PDZD11: variants seen among roughly 807,000 people sequenced by gnomAD.
PDZD11 encodes PDZ domain-containing protein 11.
A neutral mutation model predicts 13.7 loss-of-function variants in PDZD11; 2 were observed. The ratio of observed to expected loss-of-function variants is 0.15; its 90% CI spans 0.06 to 0.46. The LOEUF (loss-of-function observed/expected upper bound fraction) is 0.46. PDZD11 is among the 20% of genes least tolerant of loss of function. The pLI is 0.98. For synonymous variants in PDZD11, 32 were observed against 37.5 expected, an observed-to-expected ratio of 0.85 and a Z score of 0.54; for missense variants, 44 against 111.7, an observed-to-expected ratio of 0.39 and a Z score of 2.73.
intron 2 of PDZD11, among the ~76,000 whole-genome samples, 160 bp from the exon 3 acceptor site, chrX:70,288,673 T>TG (rs2085735472): frequency 9.1e-6 from 1 of 109,331 alleles, no homozygotes; most frequent in African/African-American, 3.3e-5. Flanking sequence ...TGGATAGCAC[T>TG]GGGGCAGCCC....
chrX:70,287,435 T>G lies in PDZD11; in HGVS notation c.328-99A>C. ...TTTGCCACTCCAACCTGTGTGTCAC[T>G]AATAGCTGCTTCCCTCCTGTACTTT... is the stretch of plus-strand genomic sequence containing the variant. On this transcript the variant is annotated intron_variant, in intron 5 of 6. Transcript: ENST00000239666. 4.6e-6 allele frequency: 3 copies of G among 657,044 alleles called. No homozygotes were observed. In the South Asian group the frequency reaches 7.2e-5, roughly 16 times the overall value. 54.1% of individuals were successfully genotyped at this position (657,044 alleles called of 1,213,427 possible).
Position 70,288,486 on chromosome X carries a change from CATT to C in PDZD11, c.112_114del (p.Asn38del). The C allele has an allele frequency of 1.7e-6, 2 of 1,211,374 alleles. No individual in the cohort carries two copies. Among genetic ancestry groups the C allele is most frequent in the Non-Finnish European group, 2.2e-6 (2 of 895,199 alleles). Reference sequence around the variant, plus strand: ...GTTCGGGGCAGAAACTGGGTCAACTCATTGTTGTAGTCCGGGTGGTGTACCCTC... The same window carrying C: ...GTTCGGGGCAGAAACTGGGTCAACTCGTTGTAGTCCGGGTGGTGTACCCTC... On this transcript the variant is annotated inframe_deletion, in exon 3 of 7. Transcript: ENST00000239666.
In PDZD11 at chrX:70,287,092, G is replaced by A. The variant is rs746934112; in HGVS notation, c.413C>T (p.Thr138Ile). 23 of 1,197,743 alleles carry A rather than the reference G, an allele frequency of 1.9e-5. No homozygotes were observed. Among genetic ancestry groups the A allele is most frequent in the Non-Finnish European group, 2.6e-5 (23 of 888,462 alleles). Residue 138 changes from threonine to isoleucine, a missense_variant, in exon 7 of 7, where the codon ACT becomes ATT. Transcript: ENST00000239666. ...GTGGGCTGCAACTTTCTAGTGCACA[G>A]TCCTCTCTTTTTGGCGATGATAATC... Reference protein sequence around the residue: ...PYNYHRQKERTVH With the variant: ...PYNYHRQKERIVH
rs551620729 is a variant in PDZD11, at chrX:70,286,979, A to C, written c.*103T>G. 7.0e-5 allele frequency: 51 copies of C among 724,655 alleles called. No individual in the cohort carries two copies. The South Asian group carries it at 1.2e-3, about 17-fold the overall frequency. The allele number at this position is 724,655 out of a possible 1,213,427, so 59.7% of individuals were successfully genotyped here. A position where few individuals can be genotyped will look rare whatever the true frequency, so the allele number is the denominator to read the frequency against. On this transcript the variant is annotated 3_prime_UTR_variant, in exon 7 of 7. Transcript: ENST00000239666. ...TGGTTAGCTGTCTCCCCATCCTCCC[A>C]ACTCACTATTCCAGGGAGGGGCTGA...
chrX:70,288,029 C>T (rs2085730339), intron 4 of PDZD11, 88 bp downstream of exon 4: 2 of 844,253 alleles, frequency 2.4e-6, no homozygotes, highest in Admixed American at 4.9e-5. Context: ...CAGAGTCATC[C>T]TCTCAGCCCT....
At chrX:70,287,466 G>C (rs2085725852) in intron 5 of PDZD11, 130 bp from the exon 6 acceptor site, 8 of 551,428 alleles carry the variant, frequency 1.5e-5, no homozygotes, top group Non-Finnish European at 2.5e-5. Context: ...ACTTTCCCAG[G>C]AGAGGTGCTT....
chrX:70,287,492 T>TCTG (rs2085726404), intron 5 of PDZD11, among the ~76,000 whole-genome samples, 156 bp from the exon 6 acceptor site: 2 of 110,826 alleles, frequency 1.8e-5, no homozygotes, highest in African/African-American at 6.6e-5. Context: ...CTCTCTCTCT[T>TCTG]TTTGTTTGTT....
At chrX:70,289,458 G>A (rs2085744199) in intron 1 of PDZD11, 104 bp from the exon 2 acceptor site, 3 of 1,136,947 alleles carry the variant, frequency 2.6e-6, no homozygotes, top group Non-Finnish European at 3.5e-6. Flanking sequence ...TCAGTCTACA[G>A]GCCCAGCCCA....
intron 2 of PDZD11, among the ~76,000 whole-genome samples, chrX:70,288,757 T>C (rs1323512479): frequency 9.6e-6 from 1 of 103,730 alleles, no homozygotes; most frequent in Non-Finnish European, 2.0e-5. Context: ...CAGGCTGGAG[T>C]GCAATGGCTC....
chrX:70,287,248 G>A (rs2085724004), intron 6 of PDZD11, 28 bp downstream of exon 6: 1 of 1,194,614 alleles, frequency 8.4e-7, no homozygotes, highest in African/African-American at 1.7e-5. Context: ...GCCCTGTCAG[G>A]AAAGTGAAAA....
chrX:70,288,253 C>T lies in PDZD11; in HGVS notation c.172-80G>A, dbSNP rs190613556. 24 of 931,996 alleles carry T rather than the reference C, an allele frequency of 2.6e-5. No homozygotes were observed. The African/African-American group carries it at 3.7e-4, about 14-fold the overall frequency. 76.8% of individuals were successfully genotyped at this position (931,996 alleles called of 1,213,427 possible). A position where few individuals can be genotyped will look rare whatever the true frequency, so the allele number is the denominator to read the frequency against. On this transcript the variant is annotated intron_variant, in intron 3 of 6. Coordinates refer to ENST00000239666, the MANE Select transcript of PDZD11 (RefSeq NM_016484.5). ...AACTAGTAGCATCATCGTACAATAG[C>T]TCAGCTTGTGTGTCCCTGAGAGGAA...
In PDZD11 at chrX:70,287,347, C is replaced by A. The variant is rs1342494701; in HGVS notation, c.328-11G>T. 8.4e-7 allele frequency: 1 copy of A among 1,197,365 alleles called. No homozygotes were observed. The highest frequency in any genetic ancestry group is 2.2e-5 in the Admixed American group (1 of 45,927). On this transcript the variant is annotated splice_polypyrimidine_tract_variant and intron_variant, in intron 5 of 6. Transcript: ENST00000239666. Reference sequence around the variant, plus strand: ...CAGGATCTCAACAGCCTGGAAGGAACACAGCAGCTTGTACAAATGAAGAGA... The same window carrying A: ...CAGGATCTCAACAGCCTGGAAGGAAAACAGCAGCTTGTACAAATGAAGAGA...
intron 2 of PDZD11, among the ~76,000 whole-genome samples, chrX:70,288,939 G>A (rs769924670): frequency 1.8e-5 from 2 of 111,532 alleles, no homozygotes; most frequent in South Asian, 7.7e-4. Context: ...CCCAACCTCA[G>A]GTGATCCGCC....
chrX:70,287,367 AAG>A, intron 5 of PDZD11, 31 bp from the exon 6 acceptor site: 1 of 1,152,382 alleles, frequency 8.7e-7, no homozygotes, highest in Non-Finnish European at 1.2e-6. Context: ...TGTACAAATG[AAG>A]AGATATGACC....
In PDZD11 at chrX:70,286,721, C is replaced by G; in HGVS notation, c.*361G>C. 5.6e-6 allele frequency: 1 copy of G among 177,291 alleles called. No individual in the cohort carries two copies. Among genetic ancestry groups the G allele is most frequent in the Non-Finnish European group, 1.1e-5 (1 of 95,140 alleles). 14.6% of individuals were successfully genotyped at this position (177,291 alleles called of 1,213,427 possible). ...TAGTGCAAGGATGGGATAAGATGGC[C>G]AGGGAAGTCAGATGGAAAATCCCCA... On this transcript the variant is annotated 3_prime_UTR_variant, in exon 7 of 7. Transcript: ENST00000239666.
chrX:70,287,402 G>A (rs1195796145), intron 5 of PDZD11, 66 bp from the exon 6 acceptor site: 72 of 983,252 alleles, frequency 7.3e-5, no homozygotes, highest in Non-Finnish European at 9.9e-5. Flanking sequence ...ATAATAGGGG[G>A]AAAGGGATTT....
intron 4 of PDZD11, 37 bp from the exon 5 acceptor site, chrX:70,287,867 G>A (rs781089787): frequency 1.0e-5 from 10 of 999,005 alleles, no homozygotes; most frequent in South Asian, 9.7e-5. Context: ...ATTGGGATGC[G>A]ATAATTTCAG....
chrX:70,287,974 T>G, intron 4 of PDZD11, 143 bp downstream of exon 4: 1 of 709,169 alleles, frequency 1.4e-6, no homozygotes, highest in East Asian at 3.3e-5. Flanking sequence ...ATGAAAAGTT[T>G]TAAGTGGGAA....
At chrX:70,288,862 G>A (rs978443988) in intron 2 of PDZD11, among the ~76,000 whole-genome samples, 6 of 110,760 alleles carry the variant, frequency 5.4e-5, no homozygotes, top group Non-Finnish European at 9.5e-5. Context: ...GTGCCACCAC[G>A]CCCGGCTAAT....
Sources: gnomAD v4.1 joint callset for allele counts (sites outside exome capture counted in the v4.1 genomes callset) on GRCh38, gnomAD v4.1.1 for gene constraint, MANE v1.5 for transcripts, NCBI Gene and HGNC (gene_info 2026-07-23, HGNC 2026-07-21) for gene names.